Variants in RAB3C observed in about 807,000 individuals in gnomAD.
RAB3C encodes RAB3C, member RAS oncogene family, also known as ras-related protein Rab-3C.
Under a neutral mutation model 26.4 loss-of-function variants are expected in RAB3C, and 17 were observed. The ratio of observed to expected loss-of-function variants is 0.64; its 90% CI spans 0.44 to 0.97. The LOEUF (loss-of-function observed/expected upper bound fraction) is 0.97, where lower values mean the gene tolerates loss of function less well. Among genes scored for constraint, RAB3C ranks in the 50% least tolerant of loss-of-function variants. The probability of loss-of-function intolerance (pLI) is 0.00; values close to 1 mark genes in which losing one functional copy is unlikely to be tolerated. For synonymous variants in RAB3C, 91 were observed against 95.9 expected (o/e 0.95, Z 0.30); for missense variants, 242 against 281.9 (o/e 0.86, Z 1.01).
chr5:58,717,742 A>T (rs1243471571), intron 2 of RAB3C, among the ~76,000 whole-genome samples: 1 of 152,118 alleles, frequency 6.6e-6, no homozygotes, highest in African/African-American at 2.4e-5. Flanking sequence ...AAACTCACAT[A>T]ATCTAGCCAT....
intron 1 of RAB3C, among the ~76,000 whole-genome samples, chr5:58,612,693 AAG>A (rs1746741921): frequency 6.6e-6 from 1 of 151,586 alleles, no homozygotes; most frequent in Non-Finnish European, 1.5e-5. Context: ...GACTTTGCTG[AAG>A]TTGTTTATCA....
chr5:58,837,882 A>G (rs1743785989), intron 4 of RAB3C, among the ~76,000 whole-genome samples: 1 of 152,114 alleles, frequency 6.6e-6, no homozygotes, highest in East Asian at 1.9e-4. Flanking sequence ...TGTTGGTTGT[A>G]TGTGTGCAGG....
Position 58,733,752 on chromosome 5 carries a change from G to A in RAB3C, c.371+7632G>A, listed in dbSNP as rs181691010. ...GTGTTTCTCAAATGGGTTGTGACCAGAGAGTTTACTGGGTTTCAATTAGAA... is the reference window on the plus strand; with the variant it reads ...GTGTTTCTCAAATGGGTTGTGACCAAAGAGTTTACTGGGTTTCAATTAGAA... On this transcript the variant is annotated intron_variant, in intron 3 of 4. Coordinates refer to ENST00000282878, the MANE Select transcript of RAB3C (RefSeq NM_138453.4). Among the ~76,000 whole-genome samples, 501 of 152,314 alleles carry A rather than the reference G, an allele frequency of 3.3e-3. 2 individuals carry two copies. Among genetic ancestry groups the A allele is most frequent in the Non-Finnish European group, 3.8e-3 (260 of 68,024 alleles).
At chr5:58,703,181 T>G (rs544875422) in intron 2 of RAB3C, among the ~76,000 whole-genome samples, 170 of 152,296 alleles carry the variant, frequency 1.1e-3, no homozygotes, top group African/African-American at 1.6e-3. Context: ...TATTCTTTTT[T>G]TTTGTTTGTT....
At chr5:58,751,696 T>A (rs952898683) in intron 3 of RAB3C, among the ~76,000 whole-genome samples, 1 of 152,252 alleles carries the variant, frequency 6.6e-6, no homozygotes, top group Non-Finnish European at 1.5e-5. Flanking sequence ...CTTCTAGTCA[T>A]GTTAGTCATA....
intron 1 of RAB3C, among the ~76,000 whole-genome samples, chr5:58,592,756 A>C (rs1746161802): frequency 6.6e-6 from 1 of 152,054 alleles, no homozygotes; most frequent in Non-Finnish European, 1.5e-5. Context: ...TCTCCTTTAT[A>C]ATGTGAGTTC....
intron 1 of RAB3C, among the ~76,000 whole-genome samples, chr5:58,587,065 C>G (rs1196730111): frequency 1.3e-5 from 2 of 151,004 alleles, no homozygotes; most frequent in Admixed American, 6.6e-5. Context: ...GAAATTCTTC[C>G]TTACTCCATT....
intron 2 of RAB3C, among the ~76,000 whole-genome samples, chr5:58,641,677 G>T (rs926697142): frequency 6.6e-6 from 1 of 152,150 alleles, no homozygotes; most frequent in Non-Finnish European, 1.5e-5. Context: ...TTTGCTGTCT[G>T]CTCTGTTCCT....
chr5:58,587,284 A>G (rs1269157066), intron 1 of RAB3C, among the ~76,000 whole-genome samples: 2 of 152,168 alleles, frequency 1.3e-5, no homozygotes, highest in Non-Finnish European at 1.5e-5. Context: ...GGAAGGAAAT[A>G]TATGTTTATG....
intron 2 of RAB3C, among the ~76,000 whole-genome samples, chr5:58,695,224 A>G (rs899621943): frequency 1.3e-5 from 2 of 152,232 alleles, no homozygotes; most frequent in Non-Finnish European, 2.9e-5. Context: ...GTCAAAGATC[A>G]GATGGTTGTA....
intron 3 of RAB3C, among the ~76,000 whole-genome samples, chr5:58,738,705 C>G (rs1272460906): frequency 6.6e-6 from 1 of 152,158 alleles, no homozygotes; most frequent in African/African-American, 2.4e-5. Flanking sequence ...AAATAAAAGA[C>G]TTAGACTCTT....
chr5:58,702,300 G>A (rs769424325), intron 2 of RAB3C, among the ~76,000 whole-genome samples: 4 of 152,058 alleles, frequency 2.6e-5, no homozygotes, highest in Non-Finnish European at 5.9e-5. Context: ...TCAAACCACA[G>A]TTTAAACATC....
At chr5:58,622,220 C>A (rs527371207) in intron 2 of RAB3C, among the ~76,000 whole-genome samples, 2 of 151,898 alleles carry the variant, frequency 1.3e-5, no homozygotes, top group South Asian at 4.2e-4. Context: ...AGTCCTGGAG[C>A]GATTAGGGCA....
chr5:58,598,769 T>C (rs1027500919), intron 1 of RAB3C, among the ~76,000 whole-genome samples: 21 of 152,098 alleles, frequency 1.4e-4, no homozygotes, highest in Non-Finnish European at 2.6e-4. Flanking sequence ...AGGAGAAAAT[T>C]TGAGTCATCT....
intron 2 of RAB3C, among the ~76,000 whole-genome samples, chr5:58,634,658 C>T (rs1312786492): frequency 6.6e-6 from 1 of 152,148 alleles, no homozygotes; most frequent in East Asian, 1.9e-4. Flanking sequence ...AAACTTTCCC[C>T]TGTTAATATA....
chr5:58,772,115 C>G (rs1483714909), intron 3 of RAB3C, among the ~76,000 whole-genome samples: 2 of 152,156 alleles, frequency 1.3e-5, no homozygotes, highest in Non-Finnish European at 2.9e-5. Context: ...CAAGCTGACT[C>G]TGGGCTTGGC....
chr5:58,613,082 A>G (rs1261972523), intron 1 of RAB3C, among the ~76,000 whole-genome samples: 1 of 152,166 alleles, frequency 6.6e-6, no homozygotes, highest in East Asian at 1.9e-4. Flanking sequence ...TTGAAAAACA[A>G]ATGTGAACAA....
chr5:58,736,138 C>T (rs1254429884), intron 3 of RAB3C, among the ~76,000 whole-genome samples: 1 of 152,182 alleles, frequency 6.6e-6, no homozygotes, highest in Non-Finnish European at 1.5e-5. Context: ...CCTGTCCCTC[C>T]TGCTTTCCTG....
intron 3 of RAB3C, among the ~76,000 whole-genome samples, chr5:58,782,395 G>T (rs889146435): frequency 3.9e-5 from 6 of 151,954 alleles, no homozygotes; most frequent in African/African-American, 1.5e-4. Flanking sequence ...TTTCTCTTAG[G>T]TTGTCCTCCA....
Sources: allele counts gnomAD v4.1 joint callset (sites outside exome capture counted in the v4.1 genomes callset), GRCh38; gene constraint gnomAD v4.1.1; transcripts MANE v1.5; gene names NCBI Gene and HGNC (gene_info 2026-07-23, HGNC 2026-07-21).